The following BTBD9 variants were observed in gnomAD, a reference collection of about 807,000 sequenced individuals.
The protein encoded by BTBD9 is BTB/POZ domain-containing protein 9.
Under a neutral mutation model 64.3 loss-of-function variants are expected in BTBD9, and 49 were observed. That is an observed-to-expected ratio of 0.76 (90% CI 0.61 to 0.97). The LOEUF (loss-of-function observed/expected upper bound fraction) is 0.97. Among genes scored for constraint, BTBD9 ranks in the 50% least tolerant of loss-of-function variants. BTBD9 has a pLI of 0.00. For synonymous variants in BTBD9, 260 were observed against 274.7 expected (o/e 0.95, Z 0.53); for missense variants, 598 against 762.1 (o/e 0.78, Z 2.53).
At chr6:38,292,429 G>C (rs1259837062) in intron 7 of BTBD9, among the ~76,000 whole-genome samples, 3 of 152,184 alleles carry the variant, frequency 2.0e-5, no homozygotes, top group Non-Finnish European at 2.9e-5. Flanking sequence ...GAATTCGGCT[G>C]TGAATCCTTT....
intron 9 of BTBD9, among the ~76,000 whole-genome samples, chr6:38,228,343 C>CT (rs1226419843): frequency 1.5e-5 from 1 of 64,522 alleles, no homozygotes; most frequent in African/African-American, 5.3e-5. Flanking sequence ...AGACCCTGTC[C>CT]CCCCCCCCAA....
At chr6:38,626,325 TTTTAG>T (rs1778167492) in intron 1 of BTBD9, among the ~76,000 whole-genome samples, 2 of 152,284 alleles carry the variant, frequency 1.3e-5, no homozygotes, top group South Asian at 4.1e-4. Flanking sequence ...ATTATACTCT[TTTTAG>T]TTATTTTTTA....
At chr6:38,233,030 C>T (rs1763663840) in intron 9 of BTBD9, among the ~76,000 whole-genome samples, 1 of 152,160 alleles carries the variant, frequency 6.6e-6, no homozygotes, top group Non-Finnish European at 1.5e-5. Flanking sequence ...TGGTGGGAGG[C>T]CTTTTCTTTC....
intron 10 of BTBD9, among the ~76,000 whole-genome samples, chr6:38,188,093 C>CGCCTTAGCTCA (rs1761896434): frequency 6.6e-6 from 1 of 152,216 alleles, no homozygotes; most frequent in Non-Finnish European, 1.5e-5. Flanking sequence ...AATCCCAGTC[C>CGCCTTAGCTCA]GCCTTAGCTC....
intron 1 of BTBD9, among the ~76,000 whole-genome samples, chr6:38,610,135 G>C (rs1777563437): frequency 6.6e-6 from 1 of 152,178 alleles, no homozygotes; most frequent in Non-Finnish European, 1.5e-5. Flanking sequence ...CACATTATTT[G>C]ACAAATATAA....
At chr6:38,375,877 CAAAA>C (rs1203982635) in intron 6 of BTBD9, among the ~76,000 whole-genome samples, 3 of 75,188 alleles carry the variant, frequency 4.0e-5, no homozygotes, top group African/African-American at 4.4e-5. Context: ...AGTCTACAAA[CAAAA>C]GAAAGAAAGA....
At chr6:38,440,617 A>G (rs1332088035) in intron 6 of BTBD9, among the ~76,000 whole-genome samples, 4 of 152,226 alleles carry the variant, frequency 2.6e-5, no homozygotes, top group African/African-American at 9.6e-5. Context: ...CAAGTCCCTT[A>G]CAATTGTAAA....
chr6:38,583,917 A>G lies in BTBD9; in HGVS notation c.815-3480T>C, dbSNP rs185614039. Among the ~76,000 whole-genome samples, 293 of 152,350 alleles carry G rather than the reference A, an allele frequency of 1.9e-3. 4 individuals are homozygous for G. The highest frequency in any genetic ancestry group is 6.8e-3 in the African/African-American group (283 of 41,584). Reference sequence around the variant, plus strand: ...CAAAATCCATAATTAAGTGATGAATATAATAGGAAGAATCATCATGAGAAA... The same window carrying G: ...CAAAATCCATAATTAAGTGATGAATGTAATAGGAAGAATCATCATGAGAAA... On this transcript the variant is annotated intron_variant, in intron 4 of 10. Transcript: ENST00000481247.
Position 38,497,529 on chromosome 6 carries a change from T to C in BTBD9, c.1154+80071A>G, listed in dbSNP as rs1261766630. ...CCGGACCCTACACATGGCAGCAGTA[T>C]GGAGTCCCTTTTTGCAAATTTACCA... On this transcript the variant is annotated intron_variant, in intron 6 of 10. Coordinates refer to ENST00000481247, the MANE Select transcript of BTBD9 (RefSeq NM_001099272.2). Among the ~76,000 whole-genome samples, 6 of 152,086 alleles carry C rather than the reference T, an allele frequency of 3.9e-5. No homozygotes were observed. The South Asian group carries it at 1.0e-3, about 26-fold the overall frequency.
At chr6:38,627,037 C>T (rs1281524065) in intron 1 of BTBD9, among the ~76,000 whole-genome samples, 2 of 152,110 alleles carry the variant, frequency 1.3e-5, no homozygotes, top group East Asian at 1.9e-4. Flanking sequence ...GGGTGACAGA[C>T]CAGTAAAGAG....
chr6:38,354,899 AAGAG>A (rs947272908), intron 6 of BTBD9, among the ~76,000 whole-genome samples: 4 of 151,592 alleles, frequency 2.6e-5, no homozygotes, highest in East Asian at 1.9e-4. Context: ...ACAGGAGAGA[AAGAG>A]AGAGACAGAG....
chr6:38,633,492 TG>T (rs1271846747), intron 1 of BTBD9, among the ~76,000 whole-genome samples: 4 of 152,252 alleles, frequency 2.6e-5, no homozygotes. Context: ...ATTACTCTTT[TG>T]CTTATATGCA....
chr6:38,186,474 T>C (rs898225821), intron 10 of BTBD9, among the ~76,000 whole-genome samples: 7 of 152,228 alleles, frequency 4.6e-5, no homozygotes, highest in Non-Finnish European at 8.8e-5. Flanking sequence ...AAACTCTGTA[T>C]TGGAATGCCA....
At chr6:38,633,842 C>A (rs143078389) in intron 1 of BTBD9, among the ~76,000 whole-genome samples, 22 of 152,060 alleles carry the variant, frequency 1.4e-4, no homozygotes, top group Non-Finnish European at 2.8e-4. Context: ...TCCCTATACT[C>A]GTCATGGCCC....
chr6:38,551,759 A>G (rs1774811221), intron 6 of BTBD9, among the ~76,000 whole-genome samples: 1 of 152,226 alleles, frequency 6.6e-6, no homozygotes, highest in African/African-American at 2.4e-5. Flanking sequence ...CAAAGGTTTT[A>G]CACCGGCAAA....
intron 8 of BTBD9, among the ~76,000 whole-genome samples, chr6:38,281,495 A>G (rs1392356456): frequency 6.6e-6 from 1 of 152,208 alleles, no homozygotes; most frequent in Non-Finnish European, 1.5e-5. Context: ...CTTAATAACT[A>G]CAAGACATAA....
chr6:38,448,663 G>A (rs549162842), intron 6 of BTBD9, among the ~76,000 whole-genome samples: 8 of 152,200 alleles, frequency 5.3e-5, no homozygotes, highest in South Asian at 2.1e-4. Context: ...GATTACAGCC[G>A]TGTGCAACCA....
chr6:38,178,747 G>C (rs552344009), intron 10 of BTBD9, among the ~76,000 whole-genome samples: 40 of 151,974 alleles, frequency 2.6e-4, no homozygotes, highest in African/African-American at 8.7e-4. Flanking sequence ...AGCAGGGTGT[G>C]GGGGGGAGGG....
At chr6:38,463,041 C>A (rs1003502618) in intron 6 of BTBD9, among the ~76,000 whole-genome samples, 1 of 152,208 alleles carries the variant, frequency 6.6e-6, no homozygotes, top group Non-Finnish European at 1.5e-5. Context: ...AGTGATCTGC[C>A]TGCTGCAGCC....
Sources: allele counts gnomAD v4.1 joint callset (sites outside exome capture counted in the v4.1 genomes callset), GRCh38; gene constraint gnomAD v4.1.1; transcripts MANE v1.5; gene names NCBI Gene and HGNC (gene_info 2026-07-23, HGNC 2026-07-21).